Variants in BDH2 observed in about 807,000 individuals in gnomAD.
The protein encoded by BDH2 is dehydrogenase/reductase SDR family member 6.
BDH2 carries 24 observed loss-of-function variants against 33.2 expected under a neutral mutation model. The ratio of observed to expected loss-of-function variants is 0.72; its 90% CI spans 0.52 to 1.02. BDH2 has a LOEUF of 1.02. Among genes scored for constraint, BDH2 ranks in the 50% least tolerant of loss-of-function variants. The probability of loss-of-function intolerance (pLI) is 0.00; values close to 1 mark genes in which losing one functional copy is unlikely to be tolerated. For missense variants in BDH2, 249 were observed against 301.6 expected (o/e 0.83, Z 1.29); for synonymous variants, 81 against 101.6 (o/e 0.80, Z 1.22).
intron 9 of BDH2, among the ~76,000 whole-genome samples, chr4:103,081,841 T>C (rs998449179): frequency 6.6e-6 from 1 of 152,224 alleles, no homozygotes; most frequent in Admixed American, 6.5e-5. Context: ...CTTTAACTTT[T>C]TTAGTCCTCC....
chr4:103,094,226 G>C (rs777913779), intron 3 of BDH2, among the ~76,000 whole-genome samples: 2 of 152,180 alleles, frequency 1.3e-5, no homozygotes, highest in Non-Finnish European at 2.9e-5. Flanking sequence ...CTGAAATGCA[G>C]CTAGTCTGAA....
intron 5 of BDH2, among the ~76,000 whole-genome samples, chr4:103,089,019 AT>A (rs1747942509): frequency 6.6e-6 from 1 of 152,092 alleles, no homozygotes; most frequent in Non-Finnish European, 1.5e-5. Context: ...TTCTTAAAGT[AT>A]TTTCAACTTG....
intron 5 of BDH2, among the ~76,000 whole-genome samples, chr4:103,087,738 T>A (rs1371587806): frequency 2.0e-5 from 3 of 152,148 alleles, no homozygotes. Context: ...TAAATAAATA[T>A]ATAATAAAGA....
rs572192885 is a variant in BDH2 at position 103,081,502 on chromosome 4, G to A, written c.684+579C>T. Among the ~76,000 whole-genome samples, 6 of 152,230 alleles carry A rather than the reference G, an allele frequency of 3.9e-5. No individual in the cohort carries two copies. The South Asian group carries it at 1.2e-3, about 32-fold the overall frequency. ...GTAGAGACGAGGTTTCACCATGTTGGTCAGGCTGGTCTCAAACTCCTGAAC... is the reference window on the plus strand; with the variant it reads ...GTAGAGACGAGGTTTCACCATGTTGATCAGGCTGGTCTCAAACTCCTGAAC... On this transcript the variant is annotated intron_variant, in intron 9 of 9. Coordinates refer to ENST00000296424, the MANE Select transcript of BDH2 (RefSeq NM_020139.4).
intron 6 of BDH2, chr4:103,085,853 C>T: frequency 2.4e-6 from 3 of 1,237,708 alleles, no homozygotes; most frequent in Non-Finnish European, 2.1e-6. Context: ...ATATGTGTAT[C>T]CTTGCAAAGA....
At chr4:103,088,060 A>G (rs1337292884) in intron 5 of BDH2, among the ~76,000 whole-genome samples, 1 of 152,214 alleles carries the variant, frequency 6.6e-6, no homozygotes, top group African/African-American at 2.4e-5. Flanking sequence ...GAGTAAGTGG[A>G]TACAAGGAGA....
At chr4:103,088,547 G>A (rs931779897) in intron 5 of BDH2, among the ~76,000 whole-genome samples, 3 of 152,164 alleles carry the variant, frequency 2.0e-5, no homozygotes, top group African/African-American at 4.8e-5. Context: ...AGGAGCTGTC[G>A]TCATGGTGTC....
At chr4:103,082,214 G>T (rs1180109077) in intron 8 of BDH2, 41 bp from the exon 9 acceptor site, 1 of 1,529,612 alleles carries the variant, frequency 6.5e-7, no homozygotes, top group East Asian at 2.2e-5. Context: ...GATGGAAGCA[G>T]CTGTATGTGC....
Position 103,082,170 on chromosome 4 carries a change from GT to G in BDH2, c.594del (p.Arg199GlyfsTer5). 3 of 1,613,602 alleles carry G rather than the reference GT, an allele frequency of 1.9e-6. No individual in the cohort carries two copies. The highest frequency in any genetic ancestry group is 1.7e-6 in the Non-Finnish European group (2 of 1,179,574). ...TTTTGTCTCTTCAGGAAATCATTCC[GT>G]GCCTGTGACCAGAGACCATACCAGA... ...RIQARGNPEEARNDFLKRQKT... is the reference protein window; with the variant it reads ...RIQARGNPEEXRNDFLKRQKT... On this transcript the variant is annotated frameshift_variant and splice_region_variant, in exon 9 of 10. Coordinates refer to ENST00000296424, the MANE Select transcript of BDH2 (RefSeq NM_020139.4).
chr4:103,099,351 T>G (rs1295201018), intron 1 of BDH2: 1 of 152,180 alleles, frequency 6.6e-6, no homozygotes, highest in Non-Finnish European at 1.5e-5. Context: ...TGATAAACTG[T>G]AATCTCAAAC....
At position 103,097,067 on chromosome 4, in the gene BDH2, AG is replaced by A. The variant is rs371847075; in HGVS notation, c.-20-794del. ...GCTTATGATTTTTTTTCTCTTGAAA[AG>A]ATTTCATAGTTGGTCTCAGATATTC... is the stretch of plus-strand genomic sequence containing the variant. On this transcript the variant is annotated intron_variant, in intron 1 of 9. Coordinates refer to ENST00000296424, the MANE Select transcript of BDH2 (RefSeq NM_020139.4). Among the ~76,000 whole-genome samples the A allele has an allele frequency of 3.2e-4, 48 of 152,214 alleles. No individual in the cohort carries two copies. The East Asian group carries it at 6.6e-3, about 21-fold the overall frequency.
Position 103,092,640 on chromosome 4 carries a change from T to G in BDH2, c.208A>C (p.Asn70His), listed in dbSNP as rs760475914. The G allele has an allele frequency of 1.2e-5, 19 of 1,613,226 alleles. 1 individual carries two copies. The East Asian group carries it at 4.2e-4, about 36-fold the overall frequency. Residue 70 changes from asparagine (N) to histidine (H), a missense_variant, in exon 4 of 10, where the codon AAT becomes CAT. By Grantham distance (68) the Asn-to-His change is moderately conservative (BLOSUM62 1). Transcript: ENST00000296424. ...TKKKQIDQFANEVERLDVLFN... is the reference protein window; with the variant it reads ...TKKKQIDQFAHEVERLDVLFN... Reference sequence around the variant, plus strand: ...AGAACATCAAGTCTCTCAACTTCATTGGCAAACTGATCAATTTGTTTCTTC... The same window carrying G: ...AGAACATCAAGTCTCTCAACTTCATGGGCAAACTGATCAATTTGTTTCTTC...
Position 103,082,112 on chromosome 4 carries a change from G to A in BDH2, c.653C>T (p.Ala218Val). The A allele has an allele frequency of 1.9e-6, 3 of 1,614,112 alleles. No individual in the cohort carries two copies. The highest frequency in any genetic ancestry group is 2.5e-6 in the Non-Finnish European group (3 of 1,179,994). Residue 218 changes from alanine to valine, a missense_variant, in exon 9 of 10, where the codon GCC becomes GTC. By Grantham distance (64) the Ala-to-Val change is moderately conservative. Transcript: ENST00000296424. ...AGAAGCCAAATACACGCAGAGCATG[G>A]CTATTTCTTCTGCAGTTGCGAATCT... ...TGRFATAEEI[A>V]MLCVYLASDE...
At chr4:103,091,689 G>A (rs767973160) in intron 4 of BDH2, 2 of 455,288 alleles carry the variant, frequency 4.4e-6, no homozygotes, top group Non-Finnish European at 8.8e-6. Flanking sequence ...AGGATGCAGT[G>A]AGCTATGATC....
At chr4:103,082,685 C>T (rs1275832647) in intron 8 of BDH2, among the ~76,000 whole-genome samples, 186 bp downstream of exon 8, 1 of 152,028 alleles carries the variant, frequency 6.6e-6, no homozygotes, top group East Asian at 1.9e-4. Flanking sequence ...GCTTCCCAAG[C>T]AGAACTCTTT....
At chr4:103,084,969 A>G (rs1747705948) in intron 7 of BDH2, among the ~76,000 whole-genome samples, 1 of 152,184 alleles carries the variant, frequency 6.6e-6, no homozygotes, top group African/African-American at 2.4e-5. Flanking sequence ...TGGATATGCA[A>G]TCATTTCTTT....
At chr4:103,095,540 T>G (rs1405268692) in intron 2 of BDH2, among the ~76,000 whole-genome samples, 1 of 152,112 alleles carries the variant, frequency 6.6e-6, no homozygotes, top group Non-Finnish European at 1.5e-5. Context: ...ATAACGTTCT[T>G]AAAAAAATGA....
chr4:103,086,529 C>A lies in BDH2; in HGVS notation c.369G>T (p.Gln123His). 6.2e-7 allele frequency: 1 copy of A among 1,608,802 alleles called. No homozygotes were observed. The highest frequency in any genetic ancestry group is 1.1e-5 in the South Asian group (1 of 89,870). ...IKAFLPKMLA[Q>H]KSGNIINMSS... ...ACATGTTGATAATATTGCCAGATTT[C>A]TGAGCAAGCATCTGCCAAAACAAAA... is the stretch of plus-strand genomic sequence containing the variant. The change falls in exon 6 of 10, where the codon CAG becomes CAT. Residue 123 changes from glutamine (Q) to histidine (H), a missense_variant. By Grantham distance (24) the Gln-to-His change is conservative. Coordinates refer to ENST00000296424, the MANE Select transcript of BDH2 (RefSeq NM_020139.4).
intron 6 of BDH2, chr4:103,086,265 A>C (rs1213084826): frequency 1.8e-5 from 23 of 1,308,276 alleles, no homozygotes; most frequent in Non-Finnish European, 2.2e-5. Flanking sequence ...AAGGGAGGGC[A>C]AAAATACCCC....
Sources: allele counts gnomAD v4.1 joint callset (sites outside exome capture counted in the v4.1 genomes callset), GRCh38; gene constraint gnomAD v4.1.1; transcripts MANE v1.5; gene names NCBI Gene and HGNC (gene_info 2026-07-23, HGNC 2026-07-21).